The following RYR2 variants were observed in gnomAD, a reference collection of about 807,000 sequenced individuals.
RYR2 encodes ryanodine receptor 2.
Under a neutral mutation model 601.1 loss-of-function variants are expected in RYR2, and 227 were observed. The ratio of observed to expected loss-of-function variants is 0.38; its 90% confidence interval spans 0.34 to 0.42. RYR2 has a LOEUF of 0.42. Ranked by LOEUF, RYR2 falls within the 10% of genes least tolerant of loss-of-function variation. RYR2 has a pLI of 1.00. For missense variants in RYR2, 4,646 were observed against 6,156.5 expected (o/e 0.75, Z 8.21); for synonymous variants, 2,223 against 2,175.1 (o/e 1.02, Z -0.61).
At position 237,613,662 on chromosome 1, in the gene RYR2, C is replaced by T. The variant is rs374914313; in HGVS notation, c.4911-377C>T. Among the ~76,000 whole-genome samples, 4 of 152,130 alleles carry T rather than the reference C, an allele frequency of 2.6e-5. No individual in the cohort carries two copies. In the East Asian group the frequency reaches 7.7e-4, roughly 29 times the overall value. On this transcript the variant is annotated intron_variant, in intron 36 of 104. Coordinates refer to ENST00000366574, the MANE Select transcript of RYR2 (RefSeq NM_001035.3). ...TTAAAAGTACTATGCAGCCATTAAA[C>T]ATGTCATAGAAAATTAAAAGAAGAC...
At chr1:237,428,575 C>T (rs866899393) in intron 12 of RYR2, among the ~76,000 whole-genome samples, 41 of 151,376 alleles carry the variant, frequency 2.7e-4, no homozygotes, top group African/African-American at 7.5e-4. Flanking sequence ...GGAAGGGGAA[C>T]ATCACACACC....
chr1:237,595,292 T>C lies in RYR2; in HGVS notation c.4437-206T>C, dbSNP rs901277683. ...ACCTGTCTTCATTAGGTGTGAAATGTAGAGACTTATAAGACCTGATTCAGA... is the reference window on the plus strand; with the variant it reads ...ACCTGTCTTCATTAGGTGTGAAATGCAGAGACTTATAAGACCTGATTCAGA... On this transcript the variant is annotated intron_variant, in intron 33 of 104. Coordinates refer to ENST00000366574, the MANE Select transcript of RYR2 (RefSeq NM_001035.3). Among the ~76,000 whole-genome samples the C allele has an allele frequency of 5.3e-5, 8 of 152,138 alleles. 1 individual carries two copies. Among genetic ancestry groups the C allele is most frequent in the Admixed American group, 5.2e-4 (8 of 15,272 alleles).
At chr1:237,141,163 G>A (rs1316438235) in intron 1 of RYR2, among the ~76,000 whole-genome samples, 1 of 152,120 alleles carries the variant, frequency 6.6e-6, no homozygotes, top group Non-Finnish European at 1.5e-5. Context: ...TTCTTGTCTG[G>A]CTGTAGCTGC....
intron 15 of RYR2, among the ~76,000 whole-genome samples, chr1:237,456,094 C>T (rs928004832): frequency 9.2e-5 from 14 of 152,126 alleles, no homozygotes; most frequent in Non-Finnish European, 1.6e-4. Flanking sequence ...TGGTTTGCCA[C>T]GCTTTTTACA....
intron 3 of RYR2, among the ~76,000 whole-genome samples, chr1:237,337,943 TA>T (rs1697409698): frequency 6.6e-6 from 1 of 152,182 alleles, no homozygotes; most frequent in Non-Finnish European, 1.5e-5. Context: ...CTCCATTGGC[TA>T]AAATCAGGGT....
At chr1:237,758,915 C>A (rs1693179221) in intron 82 of RYR2, among the ~76,000 whole-genome samples, 1 of 151,998 alleles carries the variant, frequency 6.6e-6, no homozygotes, top group Non-Finnish European at 1.5e-5. Context: ...TATGTTTAAC[C>A]AAAATTTTGA....
chr1:237,126,941 G>A (rs1246166136), intron 1 of RYR2, among the ~76,000 whole-genome samples: 1 of 151,876 alleles, frequency 6.6e-6, no homozygotes, highest in East Asian at 1.9e-4. Flanking sequence ...GCCTTCCGCA[G>A]TGTTTGTGTC....
intron 1 of RYR2, among the ~76,000 whole-genome samples, chr1:237,113,500 G>A (rs573248230): frequency 2.6e-4 from 40 of 152,098 alleles, no homozygotes; most frequent in Admixed American, 1.6e-3. Flanking sequence ...GTGTCCAGCC[G>A]GCCTCTCTTT....
chr1:237,256,070 CACATG>C (rs1687936000), intron 1 of RYR2, among the ~76,000 whole-genome samples: 1 of 152,010 alleles, frequency 6.6e-6, no homozygotes, highest in South Asian at 2.1e-4. Flanking sequence ...CCATAATTCC[CACATG>C]TTGTGGGAGG....
Position 237,511,739 on chromosome 1 carries a change from C to T in RYR2, c.2770C>T (p.Leu924=), listed in dbSNP as rs754678409. 6.4e-7 allele frequency: 1 copy of T among 1,570,634 alleles called. No individual in the cohort carries two copies. Among genetic ancestry groups the T allele is most frequent in the Admixed American group, 1.8e-5 (1 of 54,820 alleles). The change falls in exon 24 of 105, where the codon CTG becomes TTG. Residue 924 remains leucine (L), a synonymous_variant. Coordinates refer to ENST00000366574, the MANE Select transcript of RYR2 (RefSeq NM_001035.3). ...QHPCLVEFSK[L]PEQERNYNLQ... ...CCCATGCCTGGTGGAGTTCTCCAAG[C>T]TGCCTGAACAGGAGCGCAATTACAA...
chr1:237,612,450 T>C (rs6666311), intron 36 of RYR2, among the ~76,000 whole-genome samples: 14,005 of 152,174 alleles, frequency 0.092, 1,320 homozygotes, highest in African/African-American at 0.24. Flanking sequence ...AACAAAGATA[T>C]TTTAAAACAA....
Position 237,503,470 on chromosome 1 carries a change from G to A in RYR2, c.2578G>A (p.Ala860Thr). The A allele has an allele frequency of 1.2e-6, 2 of 1,613,910 alleles. No individual in the cohort carries two copies. Among genetic ancestry groups the A allele is most frequent in the Non-Finnish European group, 1.7e-6 (2 of 1,179,880 alleles). Residue 860 changes from alanine (A) to threonine (T), a missense_variant, in exon 22 of 105, where the codon GCT becomes ACT. Physicochemically the swap from Ala to Thr is moderately conservative, Grantham distance 58. Transcript: ENST00000366574. Reference protein sequence around the residue: ...LLGPTVSLTQAAFTPIPVDTS... With the variant: ...LLGPTVSLTQTAFTPIPVDTS... Reference sequence around the variant, plus strand: ...GGGCCCCACAGTTTCCCTGACGCAAGCTGCCTTCACACCCATCCCTGTGGA... The same window carrying A: ...GGGCCCCACAGTTTCCCTGACGCAAACTGCCTTCACACCCATCCCTGTGGA...
intron 84 of RYR2, among the ~76,000 whole-genome samples, chr1:237,764,157 T>G (rs1573855851): frequency 6.6e-6 from 1 of 152,310 alleles, no homozygotes; most frequent in South Asian, 2.1e-4. Flanking sequence ...ATGCATGAAC[T>G]TTTGATACCC....
chr1:237,075,105 C>T lies in RYR2; in HGVS notation c.48+32536C>T, dbSNP rs76280775. Among the ~76,000 whole-genome samples the T allele has an allele frequency of 8.4e-3, 1,279 of 152,148 alleles. 27 individuals are homozygous for T. Among genetic ancestry groups the T allele is most frequent in the African/African-American group, 0.029 (1,197 of 41,514 alleles). On this transcript the variant is annotated intron_variant, in intron 1 of 104. Coordinates refer to ENST00000366574, the MANE Select transcript of RYR2 (RefSeq NM_001035.3). ...TAGGTTTTATGCTTGGATATCACTG[C>T]GTGAATTTAAAATCTGAGCCTCTAA...
chr1:237,814,919 T>C (rs1359494180), intron 100 of RYR2, among the ~76,000 whole-genome samples: 1 of 152,000 alleles, frequency 6.6e-6, no homozygotes, highest in Non-Finnish European at 1.5e-5. Flanking sequence ...TGTCACTTAC[T>C]TTACCCTACT....
intron 44 of RYR2, among the ~76,000 whole-genome samples, chr1:237,637,891 A>G (rs1681040580): frequency 1.3e-5 from 2 of 152,094 alleles, no homozygotes; most frequent in Non-Finnish European, 2.9e-5. Context: ...CTGACAAGGA[A>G]TTGCGGGTGG....
At chr1:237,171,398 G>A (rs919872181) in intron 1 of RYR2, among the ~76,000 whole-genome samples, 8 of 152,104 alleles carry the variant, frequency 5.3e-5, no homozygotes, top group Non-Finnish European at 1.2e-4. Context: ...AACCCTGTTT[G>A]CCATACATCT....
chr1:237,744,267 A>G (rs1421348332), intron 80 of RYR2, among the ~76,000 whole-genome samples: 3 of 152,078 alleles, frequency 2.0e-5, no homozygotes, highest in Non-Finnish European at 4.4e-5. Flanking sequence ...TTTTATTTTC[A>G]TAAGGCTATA....
At chr1:237,389,538 G>T (rs537807614) in intron 10 of RYR2, among the ~76,000 whole-genome samples, 2 of 152,282 alleles carry the variant, frequency 1.3e-5, no homozygotes, top group South Asian at 2.1e-4. Flanking sequence ...CAAAATCCAA[G>T]AACTTAGCCC....
Sources: allele counts gnomAD v4.1 joint callset (sites outside exome capture counted in the v4.1 genomes callset), GRCh38; gene constraint gnomAD v4.1.1; transcripts MANE v1.5; gene names NCBI Gene and HGNC (gene_info 2026-07-23, HGNC 2026-07-21).